APLP2: variants seen among roughly 807,000 people sequenced by gnomAD.
The protein encoded by APLP2 is CDEI box-binding protein.
A neutral mutation model predicts 89.9 loss-of-function variants in APLP2; 53 were observed. That is an observed-to-expected ratio of 0.59 (90% CI 0.47 to 0.74). The LOEUF (loss-of-function observed/expected upper bound fraction) is 0.74. Among genes scored for constraint, APLP2 ranks in the 30% least tolerant of loss-of-function variants. APLP2 has a pLI of 0.00. For synonymous variants in APLP2, 372 were observed against 348.6 expected (o/e 1.07, Z -0.75); for missense variants, 973 against 975.9 (o/e 1.00, Z 0.04).
intron 11 of APLP2, among the ~76,000 whole-genome samples, chr11:130,131,953 A>G (rs910334266): frequency 6.6e-6 from 1 of 152,142 alleles, no homozygotes; most frequent in Non-Finnish European, 1.5e-5. Context: ...CTATTCTGTT[A>G]TCTAAACACC....
intron 13 of APLP2, among the ~76,000 whole-genome samples, chr11:130,135,962 A>AC (rs1390401876): frequency 6.6e-6 from 1 of 152,008 alleles, no homozygotes; most frequent in Non-Finnish European, 1.5e-5. Flanking sequence ...GTGGCTTCAA[A>AC]CCCCCACTTC....
intron 1 of APLP2, chr11:130,100,316 G>T (rs1946735632): frequency 6.6e-6 from 1 of 152,088 alleles, no homozygotes; most frequent in South Asian, 2.1e-4. Context: ...CCAGTCCCTA[G>T]TGTCTCCATA....
At chr11:130,080,615 C>A (rs1942969216) in intron 1 of APLP2, among the ~76,000 whole-genome samples, 1 of 152,032 alleles carries the variant, frequency 6.6e-6, no homozygotes, top group Non-Finnish European at 1.5e-5. Context: ...CACTAGCAAT[C>A]CAGGATCTTA....
At chr11:130,072,206 G>C (rs1941235834) in intron 1 of APLP2, among the ~76,000 whole-genome samples, 1 of 152,138 alleles carries the variant, frequency 6.6e-6, no homozygotes, top group Admixed American at 6.6e-5. Context: ...CTCCCATTTG[G>C]GACTGAGACA....
intron 1 of APLP2, among the ~76,000 whole-genome samples, chr11:130,107,661 T>C (rs1947958841): frequency 6.6e-6 from 1 of 152,212 alleles, no homozygotes; most frequent in South Asian, 2.1e-4. Flanking sequence ...GTAGATTCAG[T>C]GCCATCCCCA....
chr11:130,111,384 CA>C (rs3216113), intron 3 of APLP2, among the ~76,000 whole-genome samples: 17,196 of 149,600 alleles, frequency 0.11, 1,570 homozygotes, highest in African/African-American at 0.25. Flanking sequence ...CTTCAAAGGG[CA>C]AAAAAAAATC....
chr11:130,143,010 A>G (rs938842818), intron 16 of APLP2, among the ~76,000 whole-genome samples: 3 of 152,178 alleles, frequency 2.0e-5, no homozygotes. Flanking sequence ...TCTGCTTGCT[A>G]GCCTACTGCT....
At chr11:130,111,773 T>C (rs144279717) in intron 3 of APLP2, among the ~76,000 whole-genome samples, 29 of 152,342 alleles carry the variant, frequency 1.9e-4, no homozygotes, top group Non-Finnish European at 3.7e-4. Flanking sequence ...AAGGACGCTT[T>C]CTGTTCTGTT....
chr11:130,116,489 T>TG (rs1949179587), intron 3 of APLP2, among the ~76,000 whole-genome samples: 2 of 149,132 alleles, frequency 1.3e-5, no homozygotes, highest in South Asian at 4.2e-4. Context: ...TATCTTTTTC[T>TG]TTTTTTCTTT....
intron 1 of APLP2, chr11:130,101,946 T>G: frequency 2.2e-6 from 1 of 456,278 alleles, no homozygotes; most frequent in South Asian, 1.5e-5. Flanking sequence ...TCTGTTGCAG[T>G]CCCCGGTCTT....
chr11:130,115,492 G>A (rs1055740485), intron 3 of APLP2, among the ~76,000 whole-genome samples: 18 of 152,224 alleles, frequency 1.2e-4, no homozygotes, highest in African/African-American at 4.3e-4. Flanking sequence ...CTGAATCACA[G>A]GGATGATTAG....
chr11:130,102,036 T>C, intron 1 of APLP2: 1 of 452,224 alleles, frequency 2.2e-6, no homozygotes, highest in Non-Finnish European at 4.4e-6. Context: ...TCTCAAGTAA[T>C]TGTTTTCCCT....
At chr11:130,112,661 G>A (rs1298120066) in intron 3 of APLP2, among the ~76,000 whole-genome samples, 2 of 152,170 alleles carry the variant, frequency 1.3e-5, no homozygotes, top group Non-Finnish European at 2.9e-5. Flanking sequence ...CCTGTGGTCA[G>A]TTCTTGTCTG....
intron 3 of APLP2, among the ~76,000 whole-genome samples, chr11:130,117,845 G>A (rs563344786): frequency 1.1e-4 from 16 of 152,208 alleles, no homozygotes; most frequent in African/African-American, 2.2e-4. Context: ...GGCCGAGGCC[G>A]GGGTGGATCA....
chr11:130,118,722 G>A (rs922994221), intron 3 of APLP2, among the ~76,000 whole-genome samples: 2 of 152,152 alleles, frequency 1.3e-5, no homozygotes, highest in Non-Finnish European at 2.9e-5. Flanking sequence ...CTATTTTTAA[G>A]CAATGCTTTT....
chr11:130,125,185 A>G (rs1305907196), intron 7 of APLP2, among the ~76,000 whole-genome samples: 3 of 152,252 alleles, frequency 2.0e-5, no homozygotes, highest in Non-Finnish European at 4.4e-5. Flanking sequence ...TGCCGGCTTC[A>G]TGAGTGGGTG....
chr11:130,141,882 C>T lies in APLP2; in HGVS notation c.1999-37C>T. 1 of 1,575,516 alleles carries T rather than the reference C, an allele frequency of 6.3e-7. No homozygotes were observed. Among genetic ancestry groups the T allele is most frequent in the Non-Finnish European group, 8.7e-7 (1 of 1,153,594 alleles). On this transcript the variant is annotated intron_variant, in intron 15 of 16. Transcript: ENST00000338167. This position sits in a 1 kb window ranked among gnomAD's most constrained non-coding sequence, Gnocchi z 4.2. Reference sequence around the variant, plus strand: ...ACTTGCCTCACGGCTGCCAGATGGTCACTGGGACTTTTTTCCACGTCTGCT... The same window carrying T: ...ACTTGCCTCACGGCTGCCAGATGGTTACTGGGACTTTTTTCCACGTCTGCT...
rs578011715 is a variant in APLP2, at chr11:130,096,537, G to A, written c.106-12892G>A. Reference sequence around the variant, plus strand: ...GTTTGAGACCAGCCTGGGCAATATAGCGAGACCTCATCTCTGCAAAACATT... The same window carrying A: ...GTTTGAGACCAGCCTGGGCAATATAACGAGACCTCATCTCTGCAAAACATT... On this transcript the variant is annotated intron_variant, in intron 1 of 16. Transcript: ENST00000338167. Among the ~76,000 whole-genome samples the A allele has an allele frequency of 3.9e-5, 6 of 152,294 alleles. No homozygotes were observed. In the South Asian group the frequency reaches 1.2e-3, roughly 32 times the overall value.
rs1310568967 is a variant in APLP2 at position 130,123,357 on chromosome 11, A to G, written c.923-255A>G. ...GAGACAAAGGAATTGCTCTACGTCAATCTAAACTCAGATCTAGACTCCAGA... is the reference window on the plus strand; with the variant it reads ...GAGACAAAGGAATTGCTCTACGTCAGTCTAAACTCAGATCTAGACTCCAGA... On this transcript the variant is annotated intron_variant, in intron 6 of 16. Transcript: ENST00000338167. This position sits in a 1 kb window ranked among gnomAD's most constrained non-coding sequence, Gnocchi z 4.0. 1.3e-5 allele frequency among the ~76,000 whole-genome samples: 2 copies of G among 152,198 alleles called. No individual in the cohort carries two copies. Among genetic ancestry groups the G allele is most frequent in the Non-Finnish European group, 2.9e-5 (2 of 68,042 alleles).
Sources: gnomAD v4.1 joint callset for allele counts (sites outside exome capture counted in the v4.1 genomes callset) on GRCh38, gnomAD v4.1.1 for gene constraint, Gnocchi (gnomAD v3.1) non-coding constraint, MANE v1.5 for transcripts, NCBI Gene and HGNC (gene_info 2026-07-23, HGNC 2026-07-21) for gene names.